Variants in CYTH1 observed in about 807,000 individuals in gnomAD.
The protein encoded by CYTH1 is cytohesin-1.
A neutral mutation model predicts 61.8 loss-of-function variants in CYTH1; 18 were observed. The observed-to-expected ratio is 0.29, with a 90% CI of 0.20 to 0.43. The LOEUF (loss-of-function observed/expected upper bound fraction) is 0.43. Among genes scored for constraint, CYTH1 ranks in the 20% least tolerant of loss-of-function variants. The probability of loss-of-function intolerance (pLI) is 1.00; values close to 1 mark genes in which losing one functional copy is unlikely to be tolerated. For missense variants in CYTH1, 336 were observed against 510.5 expected, an observed-to-expected ratio of 0.66 and a Z score of 3.29; for synonymous variants, 174 against 184.3, an observed-to-expected ratio of 0.94 and a Z score of 0.45.
intron 1 of CYTH1, among the ~76,000 whole-genome samples, chr17:78,742,132 CCTA>C (rs1223506281): frequency 1.3e-5 from 2 of 152,244 alleles, no homozygotes; most frequent in Non-Finnish European, 2.9e-5. Context: ...CTCCTCAGCT[CCTA>C]CTAGTTCCTT....
At chr17:78,701,043 T>C (rs1017662326) in intron 6 of CYTH1, among the ~76,000 whole-genome samples, 6 of 152,128 alleles carry the variant, frequency 3.9e-5, no homozygotes, top group African/African-American at 4.8e-5. Context: ...GACTGAAACA[T>C]AGATAATGCT....
chr17:78,680,225 C>T lies in CYTH1; in HGVS notation c.1083G>A (p.Thr361=), dbSNP rs759794492. 25 of 1,614,054 alleles carry T rather than the reference C, an allele frequency of 1.5e-5. No individual in the cohort carries two copies. In the East Asian group the frequency reaches 2.0e-4, roughly 13 times the overall value. The change falls in exon 13 of 14, where the codon ACG becomes ACA. Residue 361 remains threonine, a synonymous_variant. Transcript: ENST00000446868. ...TAATCCACTCCTCCTTCTCCTCGGG[C>T]GTCGGAGCTGAGATCCGGTAAACAG... ...NHTVYRISAP[T]PEEKEEWIKC...
intron 3 of CYTH1, among the ~76,000 whole-genome samples, chr17:78,704,973 T>G (rs1244027409): frequency 1.3e-5 from 2 of 152,228 alleles, no homozygotes; most frequent in Non-Finnish European, 2.9e-5. Flanking sequence ...TGAAGGGTTA[T>G]GACCAGGTAT....
chr17:78,717,237 G>A lies in CYTH1; in HGVS notation c.23-7505C>T, dbSNP rs1401390024. Among the ~76,000 whole-genome samples, 1 of 152,168 alleles carries A rather than the reference G, an allele frequency of 6.6e-6. No homozygotes were observed. Among genetic ancestry groups the A allele is most frequent in the Non-Finnish European group, 1.5e-5 (1 of 68,028 alleles). ...GCACAATGGAGACAAACCAGAGGGG[G>A]AGCCGCCCTGACACACCACCCGGTC... On this transcript the variant is annotated intron_variant, in intron 1 of 13. Coordinates refer to ENST00000446868, the MANE Select transcript of CYTH1 (RefSeq NM_004762.6). The surrounding 1 kb of genome is among the most constrained non-coding windows in gnomAD (Gnocchi z 4.4).
chr17:78,759,369 G>A (rs72848599), intron 1 of CYTH1, among the ~76,000 whole-genome samples: 1 of 152,294 alleles, frequency 6.6e-6, no homozygotes, highest in Non-Finnish European at 1.5e-5. Flanking sequence ...AACGGGGTAG[G>A]CAAAGGGGTC....
rs1414170988 is a variant in CYTH1 at position 78,700,863 on chromosome 17, C to A, written c.438-420G>T. Among the ~76,000 whole-genome samples, 1 of 152,096 alleles carries A rather than the reference C, an allele frequency of 6.6e-6. No homozygotes were observed. The highest frequency in any genetic ancestry group is 1.5e-5 in the Non-Finnish European group (1 of 68,018). On this transcript the variant is annotated intron_variant, in intron 6 of 13. Transcript: ENST00000446868. This position sits in a 1 kb window ranked among gnomAD's most constrained non-coding sequence, Gnocchi z 5.1. ...TTTTAACATCAAAGTGCAAAGGGAA[C>A]CCTGCTGGGCTGCAGCCTTCTGTTA... is the stretch of plus-strand genomic sequence containing the variant.
rs576587646 is a variant in CYTH1, at chr17:78,726,376, CGAGGCCCCCTGTCAGTTACTGTGGAA to C, written c.23-16670_23-16645del. ...TTTTAAAAAGTTCACTGCATGGAAACGAGGCCCCCTGTCAGTTACTGTGGAAGAGGCCCCCTGTCAGTTACTGTGGA... is the reference window on the plus strand; with the variant it reads ...TTTTAAAAAGTTCACTGCATGGAAACGAGGCCCCCTGTCAGTTACTGTGGA... On this transcript the variant is annotated intron_variant, in intron 1 of 13. Coordinates refer to ENST00000446868, the MANE Select transcript of CYTH1 (RefSeq NM_004762.6). Among the ~76,000 whole-genome samples the C allele has an allele frequency of 8.8e-3, 1,334 of 152,122 alleles. 20 individuals are homozygous for C. Among genetic ancestry groups the C allele is most frequent in the African/African-American group, 0.03 (1,228 of 41,506 alleles).
chr17:78,702,046 A>C, intron 5 of CYTH1, 76 bp downstream of exon 5: 2 of 1,224,446 alleles, frequency 1.6e-6, no homozygotes, highest in Non-Finnish European at 1.2e-6. Flanking sequence ...AGAACTTCAG[A>C]GTATTTGGGA....
intron 1 of CYTH1, among the ~76,000 whole-genome samples, chr17:78,742,786 C>G (rs1253593195): frequency 1.3e-5 from 2 of 152,154 alleles, no homozygotes; most frequent in East Asian, 3.9e-4. Flanking sequence ...ACCTGGGAGG[C>G]AGAGGTTGCA....
intron 9 of CYTH1, among the ~76,000 whole-genome samples, chr17:78,696,983 GAT>G (rs139870460): frequency 9.6e-4 from 146 of 152,270 alleles, no homozygotes; most frequent in South Asian, 8.5e-3. Context: ...GGGGCTTAAA[GAT>G]ATATAAAATG....
intron 1 of CYTH1, among the ~76,000 whole-genome samples, chr17:78,770,584 A>G (rs939070405): frequency 1.1e-4 from 16 of 151,834 alleles, no homozygotes; most frequent in Non-Finnish European, 1.5e-5. Context: ...ACGCCTGGCT[A>G]ATTTTTATAT....
At chr17:78,731,638 G>A (rs545945150) in intron 1 of CYTH1, among the ~76,000 whole-genome samples, 24 of 151,606 alleles carry the variant, frequency 1.6e-4, no homozygotes, top group African/African-American at 4.6e-4. Context: ...GGCGCCTGTA[G>A]TCCCAGCTAC....
chr17:78,709,754 T>G (rs765091744), intron 1 of CYTH1, 22 bp from the exon 2 acceptor site: 5 of 1,612,332 alleles, frequency 3.1e-6, no homozygotes, highest in Non-Finnish European at 4.2e-6. Flanking sequence ...GAGGGCAATG[T>G]TACAAGAAAG....
intron 1 of CYTH1, among the ~76,000 whole-genome samples, chr17:78,781,010 AAAAATAAAAT>A (rs750463897): frequency 2.6e-5 from 4 of 151,852 alleles, no homozygotes; most frequent in African/African-American, 9.6e-5. Context: ...ACTCCGTTTC[AAAAATAAAAT>A]AAAATAAAAT....
chr17:78,761,467 G>A (rs534238546), intron 1 of CYTH1, among the ~76,000 whole-genome samples: 3 of 152,160 alleles, frequency 2.0e-5, no homozygotes, highest in African/African-American at 7.2e-5. Flanking sequence ...GGCCAGGCGC[G>A]GTGGCTCACG....
At chr17:78,746,471 C>T (rs1470276534) in intron 1 of CYTH1, among the ~76,000 whole-genome samples, 1 of 152,170 alleles carries the variant, frequency 6.6e-6, no homozygotes, top group Non-Finnish European at 1.5e-5. Context: ...GCTCCAAGAC[C>T]CACAGTGACA....
chr17:78,713,180 T>C (rs1225090345), intron 1 of CYTH1, among the ~76,000 whole-genome samples: 1 of 151,920 alleles, frequency 6.6e-6, no homozygotes, highest in East Asian at 1.9e-4. Context: ...AAAAACAACA[T>C]CAACTCTACT....
In CYTH1 at chr17:78,760,392, CATACAT is replaced by C. The variant is rs1480262917; in HGVS notation, c.22+21804_22+21809del. Among the ~76,000 whole-genome samples, 7 of 45,498 alleles carry C rather than the reference CATACAT, an allele frequency of 1.5e-4. 1 individual carries two copies. Among genetic ancestry groups the C allele is most frequent in the Non-Finnish European group, 3.2e-4 (7 of 21,602 alleles). The allele number at this position is 45,498 out of a possible 152,430, so 29.8% of individuals were successfully genotyped here. A position where few individuals can be genotyped will look rare whatever the true frequency, so the allele number is the denominator to read the frequency against. On this transcript the variant is annotated intron_variant, in intron 1 of 13. Transcript: ENST00000446868. ...ATATATATATATATATATACACACA[CATACAT>C]ATATATATGTGTATATATATATATA...
At chr17:78,731,689 C>A (rs1207395099) in intron 1 of CYTH1, among the ~76,000 whole-genome samples, 1 of 144,060 alleles carries the variant, frequency 6.9e-6, no homozygotes, top group Non-Finnish European at 1.5e-5. Context: ...ACCCGGGAGG[C>A]GAAGCTTGCA....
Sources: allele counts gnomAD v4.1 joint callset (sites outside exome capture counted in the v4.1 genomes callset), GRCh38; gene constraint gnomAD v4.1.1; non-coding constraint Gnocchi (gnomAD v3.1); transcripts MANE v1.5; gene names NCBI Gene and HGNC (gene_info 2026-07-23, HGNC 2026-07-21).